Variants in LMNB2 observed in about 807,000 individuals in gnomAD.
LMNB2 encodes the protein lamin B2.
LMNB2 carries 17 observed loss-of-function variants against 69.3 expected under a neutral mutation model. The ratio of observed to expected loss-of-function variants is 0.25; its 90% confidence interval spans 0.17 to 0.37. The LOEUF (loss-of-function observed/expected upper bound fraction) is 0.37, where lower values mean the gene tolerates loss of function less well. Among genes scored for constraint, LMNB2 ranks in the 10% least tolerant of loss-of-function variants. The pLI is 1.00. For synonymous variants in LMNB2, 397 were observed against 389.3 expected (o/e 1.02, Z -0.23); for missense variants, 789 against 883.6 (o/e 0.89, Z 1.36).
chr19:2,432,391 C>G (rs1189120448), intron 9 of LMNB2, 25 bp downstream of exon 9: 30 of 1,598,268 alleles, frequency 1.9e-5, no homozygotes, highest in Non-Finnish European at 2.4e-5. Flanking sequence ...CGTGGCCACC[C>G]TCGCCCTCCT....
chr19:2,431,244 G>A (rs1420953128), intron 11 of LMNB2, among the ~76,000 whole-genome samples: 3 of 152,158 alleles, frequency 2.0e-5, no homozygotes, highest in Non-Finnish European at 2.9e-5. Context: ...CTGTGTCTTC[G>A]ACTGAGGAAG....
In LMNB2 at chr19:2,431,798, A is replaced by C. The variant is rs1445126632; in HGVS notation, c.1695T>G (p.Val565=). 6.2e-7 allele frequency: 1 copy of C among 1,613,796 alleles called. No homozygotes were observed. Among genetic ancestry groups the C allele is most frequent in the South Asian group, 1.1e-5 (1 of 91,080 alleles). ...GTGESFRTVL[V]NADGEEVAMR... is the part of the protein sequence containing the mutation. Reference sequence around the variant, plus strand: ...ACACACCCACCTCGCCATCCGCGTTAACCAGGACGGTGCGGAAGCTCTCGC... The same window carrying C: ...ACACACCCACCTCGCCATCCGCGTTCACCAGGACGGTGCGGAAGCTCTCGC... The change falls in exon 10 of 12, where the codon GTT becomes GTG. Residue 565 remains valine (V), a synonymous_variant. Transcript: ENST00000325327.
At position 2,434,051 on chromosome 19, in the gene LMNB2, C is replaced by T. The variant is rs748550246; in HGVS notation, c.1257G>A (p.Ser419=). 8.8e-6 allele frequency: 14 copies of T among 1,599,986 alleles called. No homozygotes were observed. The highest frequency in any genetic ancestry group is 2.7e-5 in the African/African-American group (2 of 74,674). Residue 419 remains serine, a synonymous_variant, in exon 8 of 12, where the codon TCG becomes TCA. Transcript: ENST00000325327. ...SSRVTVSRAT[S]SSSGSLSATG... is the part of the protein sequence containing the mutation. The stretch of plus-strand genomic sequence containing the variant: ...TGGCGGACAAGCTGCCGCTGCTGCT[C>T]GAGGTGGCTCGTGAGACGGTGACGC...
Position 2,440,774 on chromosome 19 carries a change from TTATC to T in LMNB2, c.402-2247_402-2244del, listed in dbSNP as rs200597056. Among the ~76,000 whole-genome samples, 918 of 150,700 alleles carry T rather than the reference TTATC, an allele frequency of 6.1e-3. 8 individuals are homozygous for T. The highest frequency in any genetic ancestry group is 0.021 in the African/African-American group (873 of 40,900). On this transcript the variant is annotated intron_variant, in intron 2 of 11. Coordinates refer to ENST00000325327, the MANE Select transcript of LMNB2 (RefSeq NM_032737.4). ...CATCCATCCATCATCTATCTATCCATTATCTATCCATCATCCATCCATCTACTCA... is the reference window on the plus strand; with the variant it reads ...CATCCATCCATCATCTATCTATCCATTATCCATCATCCATCCATCTACTCA...
At chr19:2,438,027 AG>A (rs901555554) in intron 4 of LMNB2, 135 bp downstream of exon 4, 6 of 1,308,126 alleles carry the variant, frequency 4.6e-6, no homozygotes, top group Middle Eastern at 2.4e-4. Context: ...GCACCCTAAG[AG>A]GCAGGAAGGA....
At chr19:2,439,942 A>T (rs554615172) in intron 2 of LMNB2, among the ~76,000 whole-genome samples, 3 of 152,052 alleles carry the variant, frequency 2.0e-5, no homozygotes, top group Non-Finnish European at 4.4e-5. Context: ...CATGTTGGCC[A>T]GGCTGGTCTC....
chr19:2,455,422 G>A (rs1000249822), intron 1 of LMNB2, among the ~76,000 whole-genome samples: 4 of 151,830 alleles, frequency 2.6e-5, no homozygotes, highest in South Asian at 2.1e-4. Flanking sequence ...GGGGGGGTCC[G>A]CCAAGTCTCC....
At chr19:2,435,352 G>A (rs925957804) in intron 4 of LMNB2, among the ~76,000 whole-genome samples, 181 bp from the exon 5 acceptor site, 1 of 152,212 alleles carries the variant, frequency 6.6e-6, no homozygotes, top group African/African-American at 2.4e-5. Context: ...GCGCTAGAAC[G>A]TGACTCAGCC....
chr19:2,439,468 T>C (rs978733233), intron 2 of LMNB2, among the ~76,000 whole-genome samples: 3 of 152,112 alleles, frequency 2.0e-5, no homozygotes, highest in Non-Finnish European at 4.4e-5. Context: ...CTGAGCACTG[T>C]CCCTGGCCTC....
At chr19:2,432,329 C>G in intron 9 of LMNB2, 87 bp downstream of exon 9, 1 of 823,710 alleles carries the variant, frequency 1.2e-6, no homozygotes, top group South Asian at 1.4e-5. Flanking sequence ...TCCCCACCCA[C>G]CCCCGCCAAG....
intron 1 of LMNB2, among the ~76,000 whole-genome samples, chr19:2,454,816 G>C (rs1448808396): frequency 6.6e-6 from 1 of 152,086 alleles, no homozygotes; most frequent in Admixed American, 6.5e-5. Flanking sequence ...TGGCCAGTGG[G>C]AGGGACAAAG....
chr19:2,436,729 C>A, intron 4 of LMNB2: 1 of 156,692 alleles, frequency 6.4e-6, no homozygotes, highest in South Asian at 1.6e-4. Flanking sequence ...GCCCTCCCGC[C>A]ACCACAGCCG....
At chr19:2,435,746 C>G (rs578007655) in intron 4 of LMNB2, among the ~76,000 whole-genome samples, 48 of 151,848 alleles carry the variant, frequency 3.2e-4, no homozygotes, top group Admixed American at 1.8e-3. Context: ...ATCGCTTGAC[C>G]TTGGGAGGTT....
At chr19:2,449,505 T>C (rs1971995736) in intron 1 of LMNB2, among the ~76,000 whole-genome samples, 1 of 152,226 alleles carries the variant, frequency 6.6e-6, no homozygotes. Flanking sequence ...TAGGGCCCGG[T>C]GCGCTGGTGC....
chr19:2,453,161 C>T lies in LMNB2; in HGVS notation c.264+3509G>A, dbSNP rs982669497. Among the ~76,000 whole-genome samples, 2 of 152,100 alleles carry T rather than the reference C, an allele frequency of 1.3e-5. No individual in the cohort carries two copies. Among genetic ancestry groups the T allele is most frequent in the Non-Finnish European group, 2.9e-5 (2 of 67,986 alleles). On this transcript the variant is annotated intron_variant, in intron 1 of 11. Transcript: ENST00000325327. This position sits in a 1 kb window ranked among gnomAD's most constrained non-coding sequence, Gnocchi z 4.4. ...CTGAGCAGTACCCAGCCTCCACCCACGCTGTGCCGATGCCGTCTCCCTCCC... is the reference window on the plus strand; with the variant it reads ...CTGAGCAGTACCCAGCCTCCACCCATGCTGTGCCGATGCCGTCTCCCTCCC...
At position 2,453,088 on chromosome 19, in the gene LMNB2, A is replaced by G. The variant is rs115470424; in HGVS notation, c.264+3582T>C. Among the ~76,000 whole-genome samples the G allele has an allele frequency of 0.037, 4,131 of 111,368 alleles. 222 individuals are homozygous for G. Among genetic ancestry groups the G allele is most frequent in the African/African-American group, 0.13 (3,882 of 28,782 alleles). The allele number at this position is 111,368 out of a possible 152,430, so 73.1% of individuals were successfully genotyped here. Reference sequence around the variant, plus strand: ...CTCATGGGGCTGGGTCATCCTCGTGAGGGCTGCGTCATCCTCGTGGGGGCC... The same window carrying G: ...CTCATGGGGCTGGGTCATCCTCGTGGGGGCTGCGTCATCCTCGTGGGGGCC... On this transcript the variant is annotated intron_variant, in intron 1 of 11. Transcript: ENST00000325327. This position sits in a 1 kb window ranked among gnomAD's most constrained non-coding sequence, Gnocchi z 4.4.
intron 4 of LMNB2, among the ~76,000 whole-genome samples, chr19:2,435,517 ACAGGGAGGGGATGCGTGGGGGC>A (rs1242812027): frequency 6.6e-6 from 1 of 152,066 alleles, no homozygotes; most frequent in Non-Finnish European, 1.5e-5. Context: ...ATCCACAGAG[ACAGGGAGGGGATGCGTGGGGGC>A]CAGGGCTGGG....
At position 2,434,309 on chromosome 19, in the gene LMNB2, C is replaced by T. The variant is rs1173322845; in HGVS notation, c.1188G>A (p.Glu396=). 1.2e-6 allele frequency: 2 copies of T among 1,612,860 alleles called. No individual in the cohort carries two copies. Among genetic ancestry groups the T allele is most frequent in the South Asian group, 1.1e-5 (1 of 91,090 alleles). The stretch of plus-strand genomic sequence containing the variant: ...GCCTGCCGCACCTCTCCTCCTCGCC[C>T]TCCAGGAGCTTCCGGTAGGCGTTGA... ...MEINAYRKLL[E]GEEERLKLSP... The change falls in exon 7 of 12, where the codon GAG becomes GAA. Residue 396 remains glutamate, a synonymous_variant. Coordinates refer to ENST00000325327, the MANE Select transcript of LMNB2 (RefSeq NM_032737.4).
intron 4 of LMNB2, among the ~76,000 whole-genome samples, chr19:2,436,191 G>A (rs1307960546): frequency 6.6e-6 from 1 of 152,176 alleles, no homozygotes; most frequent in Non-Finnish European, 1.5e-5. Context: ...GCTGAGGCAG[G>A]AGAATCGCTT....
Sources: allele counts gnomAD v4.1 joint callset (sites outside exome capture counted in the v4.1 genomes callset), GRCh38; gene constraint gnomAD v4.1.1; non-coding constraint Gnocchi (gnomAD v3.1); transcripts MANE v1.5; gene names NCBI Gene and HGNC (gene_info 2026-07-23, HGNC 2026-07-21).